PI4KA: variants seen among roughly 807,000 people sequenced by gnomAD.
The protein encoded by PI4KA is phosphatidylinositol 4-kinase alpha, also known as PI4-kinase alpha.
Under a neutral mutation model 271.4 loss-of-function variants are expected in PI4KA, and 122 were observed. The ratio of observed to expected loss-of-function variants is 0.45; its 90% CI spans 0.39 to 0.52. The LOEUF (loss-of-function observed/expected upper bound fraction) is 0.52. Ranked by LOEUF, PI4KA falls within the 20% of genes least tolerant of loss-of-function variation. The pLI is 0.00. For synonymous variants in PI4KA, 1,041 were observed against 1,078.8 expected (o/e 0.96, Z 0.69); for missense variants, 1,969 against 2,769.1 (o/e 0.71, Z 6.48).
intron 28 of PI4KA, among the ~76,000 whole-genome samples, chr22:20,748,736 T>G (rs1291815597): frequency 2.0e-5 from 3 of 152,216 alleles, no homozygotes; most frequent in Non-Finnish European, 4.4e-5. Flanking sequence ...AACCCATCCT[T>G]GGACACTATG....
chr22:20,798,296 G>A (rs1464165498), intron 17 of PI4KA, among the ~76,000 whole-genome samples: 1 of 152,138 alleles, frequency 6.6e-6, no homozygotes, highest in Non-Finnish European at 1.5e-5. Context: ...ATCATTCATG[G>A]TGTGGCTGAT....
At chr22:20,736,816 G>A (rs1330087662) in intron 32 of PI4KA, 5 of 154,746 alleles carry the variant, frequency 3.2e-5, no homozygotes, top group Non-Finnish European at 7.1e-5. Flanking sequence ...TACAGTGAAG[G>A]GAAGGGTCAC....
intron 18 of PI4KA, among the ~76,000 whole-genome samples, chr22:20,795,336 A>C (rs1201565187): frequency 6.6e-6 from 1 of 151,968 alleles, no homozygotes; most frequent in Admixed American, 6.6e-5. Context: ...ACTTTCTTTT[A>C]CATACCCACC....
At chr22:20,783,852 G>A in intron 19 of PI4KA, 1 of 1,314,242 alleles carries the variant, frequency 7.6e-7, no homozygotes, top group South Asian at 1.2e-5. Context: ...AAGAGACTGT[G>A]GGGTCGGCTC....
chr22:20,727,996 G>A, intron 39 of PI4KA, 132 bp from the exon 40 acceptor site: 1 of 590,570 alleles, frequency 1.7e-6, no homozygotes, highest in East Asian at 2.9e-5. Context: ...GTGACGGCTT[G>A]GGTACAAACA....
At chr22:20,794,854 G>A (rs1202876834) in intron 18 of PI4KA, among the ~76,000 whole-genome samples, 1 of 152,146 alleles carries the variant, frequency 6.6e-6, no homozygotes, top group Non-Finnish European at 1.5e-5. Flanking sequence ...AATTTTATAG[G>A]AGCACAGTCA....
At position 20,752,923 on chromosome 22, in the gene PI4KA, A is replaced by G. The variant is rs775867998; in HGVS notation, c.2967T>C (p.Tyr989=). 1.2e-6 allele frequency: 2 copies of G among 1,613,900 alleles called. No homozygotes were observed. The highest frequency in any genetic ancestry group is 1.3e-5 in the African/African-American group (1 of 74,914). ...CTTACTTATCCACCAGACCAGATAG[A>G]TACTTGTCTGCCACCCTCCTTATCC... ...HKRIRRVADK[Y]LSGLVDKFPH... is the part of the protein sequence containing the mutation. The change falls in exon 25 of 55, where the codon TAT becomes TAC. Residue 989 remains tyrosine (Y), a synonymous_variant. Transcript: ENST00000255882.
chr22:20,742,502 G>A (rs1236376084), intron 31 of PI4KA, 106 bp downstream of exon 31: 35 of 1,543,866 alleles, frequency 2.3e-5, no homozygotes, highest in Middle Eastern at 1.7e-4. Flanking sequence ...TCTACTGGGG[G>A]AGCTCCTGCT....
In PI4KA at chr22:20,858,694, C is replaced by T. The variant is rs1165924848; in HGVS notation, c.32G>A (p.Gly11Asp). 3.4e-6 allele frequency: 5 copies of T among 1,469,088 alleles called. No individual in the cohort carries two copies. The highest frequency in any genetic ancestry group is 2.0e-4 in the Middle Eastern group (1 of 4,894). 91.0% of individuals were successfully genotyped at this position (1,469,088 alleles called of 1,614,324 possible). A position where few individuals can be genotyped will look rare whatever the true frequency, so the allele number is the denominator to read the frequency against. MAAAPARGGG[G>D]GGGGGGGCSG... ...GCAGCCGCCGCCGCCTCCGCCTCCG[C>T]CTCCGCCTCCCCGGGCCGGGGCCGC... Residue 11 changes from glycine (G) to aspartate (D), a missense_variant, in exon 1 of 55, where the codon GGC becomes GAC. Gly to Asp is a moderately conservative substitution (Grantham distance 94). This residue lies in a region of PI4KA where 540 missense variants were observed against 555.5 expected (regional missense o/e 0.97). Transcript: ENST00000255882.
At chr22:20,779,730 G>A in intron 19 of PI4KA, 1 of 1,614,226 alleles carries the variant, frequency 6.2e-7, no homozygotes, top group Non-Finnish European at 8.5e-7. Flanking sequence ...CCTCTACCGA[G>A]TGCTGAAAGA....
At chr22:20,811,463 G>C (rs1201598110) in intron 8 of PI4KA, among the ~76,000 whole-genome samples, 1 of 152,056 alleles carries the variant, frequency 6.6e-6, no homozygotes, top group African/African-American at 2.4e-5. Context: ...TCCTCTCCGG[G>C]CCAGGTGCAC....
At chr22:20,739,469 G>GAAAAAAAAAAAA (rs5844434) in intron 32 of PI4KA, among the ~76,000 whole-genome samples, 1 of 130,552 alleles carries the variant, frequency 7.7e-6, no homozygotes. Context: ...CTGTCTTCAG[G>GAAAAAAAAAAAA]AAAAAAAAAA....
intron 28 of PI4KA, among the ~76,000 whole-genome samples, chr22:20,749,100 T>C (rs1386953027): frequency 4.6e-5 from 7 of 152,226 alleles, no homozygotes; most frequent in African/African-American, 1.7e-4. Flanking sequence ...ACAGACAGCC[T>C]TGGGACCTGA....
At chr22:20,795,176 C>T (rs901222933) in intron 18 of PI4KA, among the ~76,000 whole-genome samples, 1 of 151,956 alleles carries the variant, frequency 6.6e-6, no homozygotes, top group Non-Finnish European at 1.5e-5. Context: ...ATAGTACCCC[C>T]GACTTTTTCT....
chr22:20,767,317 G>A (rs1370912176), intron 19 of PI4KA, among the ~76,000 whole-genome samples: 1 of 151,868 alleles, frequency 6.6e-6, no homozygotes, highest in Non-Finnish European at 1.5e-5. Flanking sequence ...GGTGGCAGGC[G>A]CCTATAGTCC....
chr22:20,713,827 T>G (rs1013279491), intron 47 of PI4KA, among the ~76,000 whole-genome samples: 1 of 152,246 alleles, frequency 6.6e-6, no homozygotes, highest in African/African-American at 2.4e-5. Context: ...CCGTCTGTAC[T>G]GGGTTGAAGA....
rs576003047 is a variant in PI4KA, at chr22:20,788,231, C to T, written c.2328+4962G>A. ...ACAAGGGTTGGAAGAGTTCTGAAAC[C>T]TGTCCAAGATGCTGAAGTAGTGGGG... On this transcript the variant is annotated intron_variant, in intron 19 of 54. Transcript: ENST00000255882. 3.3e-5 allele frequency among the ~76,000 whole-genome samples: 5 copies of T among 152,298 alleles called. No individual in the cohort carries two copies. The South Asian group carries it at 1.0e-3, about 32-fold the overall frequency.
chr22:20,714,352 T>G, intron 47 of PI4KA, 106 bp downstream of exon 47: 1 of 1,501,886 alleles, frequency 6.7e-7, no homozygotes, highest in Non-Finnish European at 8.9e-7. Context: ...TGGACAGACA[T>G]CATCTTTTAT....
chr22:20,799,183 C>A lies in PI4KA; in HGVS notation c.1914G>T (p.Leu638=). The A allele has an allele frequency of 6.2e-7, 1 of 1,606,786 alleles. No individual in the cohort carries two copies. The change falls in exon 16 of 55, where the codon CTG becomes CTT. Residue 638 remains leucine, a synonymous_variant. Coordinates refer to ENST00000255882, the MANE Select transcript of PI4KA (RefSeq NM_058004.4). ...GGCAGAATTTCTGCTGTAGGATCTG[C>A]AGAATGGGCTCCATGACCTTCGGGG... ...RDTPKVMEPI[L]QILQQKFCQP...
Sources: gnomAD v4.1 joint callset for allele counts (sites outside exome capture counted in the v4.1 genomes callset) on GRCh38, gnomAD v4.1.1 for gene constraint, gnomAD v4.1.1 regional missense constraint, MANE v1.5 for transcripts, NCBI Gene and HGNC (gene_info 2026-07-23, HGNC 2026-07-21) for gene names.